PRKCA: variants seen among roughly 807,000 people sequenced by gnomAD.
PRKCA encodes the protein protein kinase C alpha type.
A neutral mutation model predicts 87.0 loss-of-function variants in PRKCA; 27 were observed. That is an observed-to-expected ratio of 0.31 (90% CI 0.23 to 0.43). PRKCA has a LOEUF of 0.43. Ranked by LOEUF, PRKCA falls within the 20% of genes least tolerant of loss-of-function variation. The pLI is 1.00. For synonymous variants in PRKCA, 329 were observed against 311.1 expected (o/e 1.06, Z -0.61); for missense variants, 518 against 852.3 (o/e 0.61, Z 4.88).
At chr17:66,312,668 G>A (rs981758711) in intron 2 of PRKCA, among the ~76,000 whole-genome samples, 1 of 149,448 alleles carries the variant, frequency 6.7e-6, no homozygotes. Flanking sequence ...TTAAGTCTTA[G>A]TCTAAGGTTT....
chr17:66,413,811 C>G (rs1911958979), intron 2 of PRKCA, among the ~76,000 whole-genome samples: 1 of 151,992 alleles, frequency 6.6e-6, no homozygotes, highest in Non-Finnish European at 1.5e-5. Context: ...GTCAGGAGTT[C>G]GAGGTCAGCC....
intron 3 of PRKCA, among the ~76,000 whole-genome samples, chr17:66,540,676 C>T (rs578030780): frequency 1.8e-4 from 28 of 152,308 alleles, no homozygotes; most frequent in African/African-American, 5.5e-4. Flanking sequence ...TAGGCTGAGA[C>T]GGAATTCAGG....
At chr17:66,347,941 CTTTTTTTTT>C (rs57292153) in intron 2 of PRKCA, among the ~76,000 whole-genome samples, 1 of 56,440 alleles carries the variant, frequency 1.8e-5, no homozygotes, top group South Asian at 1.0e-3. Flanking sequence ...AATTCTGAAC[CTTTTTTTTT>C]TTTTTTTTTT....
intron 6 of PRKCA, 132 bp from the exon 7 acceptor site, chr17:66,688,170 G>T (rs369334940): frequency 6.2e-6 from 7 of 1,130,144 alleles, no homozygotes; most frequent in Non-Finnish European, 7.4e-6. Context: ...AGCATAAGGG[G>T]TTGGTATTTT....
intron 3 of PRKCA, among the ~76,000 whole-genome samples, chr17:66,611,546 C>A (rs923284825): frequency 2.1e-4 from 32 of 152,306 alleles, no homozygotes; most frequent in African/African-American, 7.7e-4. Context: ...AATAATACTC[C>A]ATTGTATGGG....
chr17:66,448,371 G>A (rs568399075), intron 2 of PRKCA, among the ~76,000 whole-genome samples: 5 of 152,208 alleles, frequency 3.3e-5, no homozygotes, highest in South Asian at 4.2e-4. Context: ...AATTGGTTTC[G>A]GAAATCGAGA....
At chr17:66,546,274 T>A (rs577724017) in intron 3 of PRKCA, among the ~76,000 whole-genome samples, 1 of 152,370 alleles carries the variant, frequency 6.6e-6, no homozygotes, top group African/African-American at 2.4e-5. Context: ...TATTTTTAAT[T>A]ACTTCATTTT....
chr17:66,631,388 C>G (rs1971007070), intron 3 of PRKCA, among the ~76,000 whole-genome samples: 1 of 152,138 alleles, frequency 6.6e-6, no homozygotes, highest in South Asian at 2.1e-4. Context: ...TGAATACTTA[C>G]ACATTTTAAA....
chr17:66,781,864 GAGAGATAT>G (rs781599777), intron 14 of PRKCA, among the ~76,000 whole-genome samples: 3 of 117,322 alleles, frequency 2.6e-5, no homozygotes, highest in Non-Finnish European at 5.2e-5. Flanking sequence ...GAGAGAGAGA[GAGAGATAT>G]ATATATATAT....
rs139147633 is a variant in PRKCA, at chr17:66,348,263, C to T, written c.205+42136C>T. ...GGCCCAGAATCAATAATTGTTAATG[C>T]TTCATCGAGACTTTCTTAAATGAAA... On this transcript the variant is annotated intron_variant, in intron 2 of 16. Transcript: ENST00000413366. Among the ~76,000 whole-genome samples the T allele has an allele frequency of 4.2e-3, 638 of 152,028 alleles. 4 individuals are homozygous for T. The highest frequency in any genetic ancestry group is 0.015 in the African/African-American group (606 of 41,488).
At chr17:66,539,068 A>ACC (rs1322475337) in intron 3 of PRKCA, among the ~76,000 whole-genome samples, 2 of 152,192 alleles carry the variant, frequency 1.3e-5, no homozygotes, top group African/African-American at 2.4e-5. Flanking sequence ...CTCAACACTT[A>ACC]CCAAAGCTCA....
chr17:66,687,264 C>T lies in PRKCA; in HGVS notation c.683C>T (p.Thr228Ile), dbSNP rs761072166. Residue 228 changes from threonine (T) to isoleucine (I), a missense_variant, in exon 6 of 17, where the codon ACA becomes ATA. Thr to Ile is a moderately conservative substitution (Grantham distance 89). Transcript: ENST00000413366. Reference sequence around the variant, plus strand: ...AATCCGCAGTGGAATGAGTCCTTTACATTGTAAGTGGTCTCTCCTTGATCA... The same window carrying T: ...AATCCGCAGTGGAATGAGTCCTTTATATTGTAAGTGGTCTCTCCTTGATCA... ...TLNPQWNESF[T>I]FKLKPSDKDR... The T allele has an allele frequency of 1.2e-6, 2 of 1,613,276 alleles. No homozygotes were observed. Among genetic ancestry groups the T allele is most frequent in the South Asian group, 2.2e-5 (2 of 91,004 alleles).
At chr17:66,717,219 G>A (rs1973499580) in intron 8 of PRKCA, among the ~76,000 whole-genome samples, 1 of 152,190 alleles carries the variant, frequency 6.6e-6, no homozygotes. Context: ...CCAGACCCCA[G>A]CGGCTGCCTG....
chr17:66,581,722 G>A (rs1344437281), intron 3 of PRKCA, among the ~76,000 whole-genome samples: 8 of 152,120 alleles, frequency 5.3e-5, no homozygotes, highest in Non-Finnish European at 7.4e-5. Flanking sequence ...TGATCTGCCC[G>A]CCTCAGCCTC....
At chr17:66,348,200 G>A (rs1415853712) in intron 2 of PRKCA, among the ~76,000 whole-genome samples, 1 of 151,932 alleles carries the variant, frequency 6.6e-6, no homozygotes, top group South Asian at 2.1e-4. Flanking sequence ...CCTTGGCCTC[G>A]TAAAGTGCTG....
chr17:66,402,435 T>A (rs1393550933), intron 2 of PRKCA, among the ~76,000 whole-genome samples: 1 of 148,544 alleles, frequency 6.7e-6, no homozygotes, highest in East Asian at 1.9e-4. Context: ...TTTTTTTTTT[T>A]AAAGAATATG....
chr17:66,323,646 G>T (rs747979665), intron 2 of PRKCA, among the ~76,000 whole-genome samples: 1 of 152,190 alleles, frequency 6.6e-6, no homozygotes, highest in African/African-American at 2.4e-5. Flanking sequence ...GTGGTAGAAA[G>T]AATTGCTAAT....
At chr17:66,707,101 CCT>C (rs1973211485) in intron 8 of PRKCA, among the ~76,000 whole-genome samples, 3 of 152,158 alleles carry the variant, frequency 2.0e-5, no homozygotes, top group South Asian at 4.1e-4. Context: ...TTTTCTGACT[CCT>C]CTCCATTCAT....
At chr17:66,622,448 G>A (rs1339969082) in intron 3 of PRKCA, among the ~76,000 whole-genome samples, 1 of 152,218 alleles carries the variant, frequency 6.6e-6, no homozygotes, top group Non-Finnish European at 1.5e-5. Context: ...TAAGAATGCA[G>A]TGACCATATA....
Sources: allele counts gnomAD v4.1 joint callset (sites outside exome capture counted in the v4.1 genomes callset), GRCh38; gene constraint gnomAD v4.1.1; transcripts MANE v1.5; gene names NCBI Gene and HGNC (gene_info 2026-07-23, HGNC 2026-07-21).